Variants in MTOR observed in about 807,000 individuals in gnomAD.
MTOR encodes mechanistic target of rapamycin kinase, also known as serine/threonine-protein kinase mTOR.
Under a neutral mutation model 319.8 loss-of-function variants are expected in MTOR, and 70 were observed. That is an observed-to-expected ratio of 0.22 (90% CI 0.18 to 0.27). The LOEUF (loss-of-function observed/expected upper bound fraction) is 0.27, where lower values mean the gene tolerates loss of function less well. MTOR is among the 10% of genes least tolerant of loss of function. The pLI is 1.00. For missense variants in MTOR, 1,890 were observed against 3,274.4 expected, an observed-to-expected ratio of 0.58 and a Z score of 10.32; for synonymous variants, 1,183 against 1,211.4, an observed-to-expected ratio of 0.98 and a Z score of 0.49.
intron 29 of MTOR, 31 bp from the exon 30 acceptor site, chr1:11,157,322 G>A (rs764105619): frequency 6.2e-7 from 1 of 1,606,044 alleles, no homozygotes; most frequent in Non-Finnish European, 8.5e-7. Flanking sequence ...ACTGCTGTGA[G>A]GTACACAGAA....
chr1:11,136,390 T>C (rs1452988773), intron 36 of MTOR, among the ~76,000 whole-genome samples: 4 of 152,270 alleles, frequency 2.6e-5, no homozygotes, highest in Non-Finnish European at 5.9e-5. Flanking sequence ...CTCAGACATC[T>C]GTCTTCACAG....
chr1:11,195,690 A>G lies in MTOR; in HGVS notation c.4253+3568T>C, dbSNP rs370047912. On this transcript the variant is annotated intron_variant, in intron 28 of 57. Transcript: ENST00000361445. ...TGTACAGCACTGAAAGGAATGAAGC[A>G]CCAGCAGGAGGTGGACAGAGTCTCT... The G allele has an allele frequency of 4.6e-5, 7 of 152,822 alleles. No homozygotes were observed. The East Asian group carries it at 1.4e-3, about 30-fold the overall frequency. 9.5% of individuals were successfully genotyped at this position (152,822 alleles called of 1,614,324 possible). A position where few individuals can be genotyped will look rare whatever the true frequency, so the allele number is the denominator to read the frequency against.
intron 28 of MTOR, among the ~76,000 whole-genome samples, chr1:11,187,663 T>C (rs983385568): frequency 6.6e-6 from 1 of 152,200 alleles, no homozygotes; most frequent in Non-Finnish European, 1.5e-5. Context: ...TTAAGCTCAG[T>C]GTCATTTGAT....
At chr1:11,211,973 G>A (rs1646326786) in intron 23 of MTOR, among the ~76,000 whole-genome samples, 1 of 152,020 alleles carries the variant, frequency 6.6e-6, no homozygotes, top group Admixed American at 6.6e-5. Flanking sequence ...AGTGTCAACT[G>A]ATCAGAGGTC....
intron 28 of MTOR, among the ~76,000 whole-genome samples, chr1:11,191,896 G>A (rs1339588933): frequency 1.3e-5 from 2 of 152,162 alleles, no homozygotes; most frequent in East Asian, 3.8e-4. Context: ...TATAGTGGCG[G>A]CTGTCTAAGA....
In MTOR at chr1:11,253,848, C is replaced by A. The variant is rs752049917; in HGVS notation, c.831G>T (p.Met277Ile). ...ILNELVRISSMEGERLREEME... is the reference protein window; with the variant it reads ...ILNELVRISSIEGERLREEME... ...TGCCGTGGCTTCTCACCTCTCCCTC[C>A]ATGCTGCTGATTCGGACCAGCTCGT... Residue 277 changes from methionine (M) to isoleucine (I), a missense_variant, in exon 6 of 58, where the codon ATG becomes ATT. Coordinates refer to ENST00000361445, the MANE Select transcript of MTOR (RefSeq NM_004958.4). 5.6e-5 allele frequency: 90 copies of A among 1,614,050 alleles called. No homozygotes were observed. The Admixed American group carries it at 1.5e-3, about 27-fold the overall frequency.
At position 11,109,153 on chromosome 1, in the gene MTOR, C is replaced by A. The variant is rs565468396; in HGVS notation, c.7528+137G>T. On this transcript the variant is annotated intron_variant, in intron 56 of 57. Transcript: ENST00000361445. This position sits in a 1 kb window ranked among gnomAD's most constrained non-coding sequence, Gnocchi z 4.0. ...TCAGAGACAATGTTTAACTGATGAC[C>A]TCAAAGACACTCTTTGTCAGCTGCA... The A allele has an allele frequency of 1.7e-5, 12 of 690,042 alleles. No homozygotes were observed. The highest frequency in any genetic ancestry group is 2.8e-5 in the Non-Finnish European group (11 of 397,758). The allele number at this position is 690,042 out of a possible 1,614,324, so 42.7% of individuals were successfully genotyped here.
At chr1:11,205,810 G>A (rs1172133882) in intron 25 of MTOR, among the ~76,000 whole-genome samples, 2 of 152,194 alleles carry the variant, frequency 1.3e-5, no homozygotes, top group Non-Finnish European at 2.9e-5. Context: ...TTTCCAGCAG[G>A]ACACATCAAT....
intron 26 of MTOR, among the ~76,000 whole-genome samples, chr1:11,202,180 AGCACTCT>A (rs1440243424): frequency 1.3e-5 from 2 of 152,180 alleles, no homozygotes; most frequent in Admixed American, 1.3e-4. Context: ...CTGTAATCCC[AGCACTCT>A]GGGAGGCCGA....
At chr1:11,162,034 G>T (rs1387761157) in intron 29 of MTOR, among the ~76,000 whole-genome samples, 3 of 152,078 alleles carry the variant, frequency 2.0e-5, no homozygotes, top group Non-Finnish European at 4.4e-5. Flanking sequence ...TAAAAACCTT[G>T]AAAAAAGATG....
chr1:11,262,222 C>G (rs1025693063), intron 1 of MTOR, among the ~76,000 whole-genome samples: 28 of 152,154 alleles, frequency 1.8e-4, no homozygotes, highest in Admixed American at 1.8e-3. Flanking sequence ...GCGGACGTAC[C>G]GCGGGCCGAA....
intron 28 of MTOR, among the ~76,000 whole-genome samples, chr1:11,193,949 ACCCC>A (rs5772444): frequency 6.6e-6 from 1 of 151,976 alleles, no homozygotes; most frequent in Non-Finnish European, 1.5e-5. Context: ...CCTTTCTGCA[ACCCC>A]CCCAACCCCC....
Position 11,107,078 on chromosome 1 carries a change from GCTT to G in MTOR, c.*404_*406del, listed in dbSNP as rs761522064. Reference sequence around the variant, plus strand: ...TAATCCATGTTCTCCACGACCTGAGGCTTCTTGGCTGTGCTGAGTTTGCTGTAC... The same window carrying G: ...TAATCCATGTTCTCCACGACCTGAGGCTTGGCTGTGCTGAGTTTGCTGTAC... On this transcript the variant is annotated 3_prime_UTR_variant, in exon 58 of 58. Transcript: ENST00000361445. 3.6e-6 allele frequency: 5 copies of G among 1,373,232 alleles called. No individual in the cohort carries two copies. The South Asian group carries it at 6.1e-5, about 17-fold the overall frequency. 85.1% of individuals were successfully genotyped at this position (1,373,232 alleles called of 1,614,324 possible).
At chr1:11,206,067 C>T (rs1646128363) in intron 25 of MTOR, among the ~76,000 whole-genome samples, 1 of 152,156 alleles carries the variant, frequency 6.6e-6, no homozygotes, top group Admixed American at 6.5e-5. Flanking sequence ...CTAAATAATA[C>T]CACTGACCAT....
chr1:11,212,519 C>A lies in MTOR; in HGVS notation c.3399-45G>T. ...ACAGTAACTGCTAACATACAATCTC[C>A]AAGGAAGAGACGTGACTGAGGGTGA... On this transcript the variant is annotated intron_variant, in intron 22 of 57. Coordinates refer to ENST00000361445, the MANE Select transcript of MTOR (RefSeq NM_004958.4). The surrounding 1 kb of genome is among the most constrained non-coding windows in gnomAD (Gnocchi z 4.1). 1.3e-6 allele frequency: 2 copies of A among 1,589,968 alleles called. No individual in the cohort carries two copies. Among genetic ancestry groups the A allele is most frequent in the Non-Finnish European group, 1.7e-6 (2 of 1,168,004 alleles).
At chr1:11,236,003 T>C (rs1647205990) in intron 13 of MTOR, among the ~76,000 whole-genome samples, 1 of 151,624 alleles carries the variant, frequency 6.6e-6, no homozygotes, top group Non-Finnish European at 1.5e-5. Flanking sequence ...GAAAGAAGAT[T>C]GCAGCCACGC....
intron 19 of MTOR, among the ~76,000 whole-genome samples, chr1:11,226,919 A>ACCCCCG (rs1171941123): frequency 1.5e-4 from 9 of 60,956 alleles, no homozygotes; most frequent in Non-Finnish European, 3.1e-4. Context: ...TCTTCCCCCC[A>ACCCCCG]CCCCCGCCCC....
At chr1:11,249,496 G>C (rs1649310374) in intron 6 of MTOR, among the ~76,000 whole-genome samples, 1 of 149,722 alleles carries the variant, frequency 6.7e-6, no homozygotes, top group Non-Finnish European at 1.5e-5. Flanking sequence ...TGGGACAATA[G>C]TGGAGGGAAG....
chr1:11,131,513 G>C (rs1390185820), intron 38 of MTOR: 1 of 152,438 alleles, frequency 6.6e-6, no homozygotes, highest in African/African-American at 2.4e-5. Flanking sequence ...TCACCAGATA[G>C]TGGACAAAGG....
Sources: gnomAD v4.1 joint callset for allele counts (sites outside exome capture counted in the v4.1 genomes callset) on GRCh38, gnomAD v4.1.1 for gene constraint, Gnocchi (gnomAD v3.1) non-coding constraint, MANE v1.5 for transcripts, NCBI Gene and HGNC (gene_info 2026-07-23, HGNC 2026-07-21) for gene names.